STX16: variants seen among roughly 807,000 people sequenced by gnomAD.
STX16 encodes syntaxin-16.
In STX16, 28 loss-of-function variants were observed where a neutral mutation model predicts 42.7. The ratio of observed to expected loss-of-function variants is 0.66; its 90% confidence interval spans 0.49 to 0.90. STX16 has a LOEUF of 0.90. STX16 is among the 40% of genes least tolerant of loss of function. The pLI is 0.00. For missense variants in STX16, 361 were observed against 420.9 expected (o/e 0.86, Z 1.24); for synonymous variants, 156 against 155.2 (o/e 1.00, Z -0.04).
rs1158625190 is a variant in STX16, at chr20:58,671,472, G to GTGTA, written c.792+176_792+177insGTAT. Reference sequence around the variant, plus strand: ...TGTGTGTGTGTGTGTGTGTGTGTGTGTATATTAATATTAATCAAATATTAA... The same window carrying GTGTA: ...TGTGTGTGTGTGTGTGTGTGTGTGTGTGTATATATTAATATTAATCAAATATTAA... On this transcript the variant is annotated intron_variant, in intron 7 of 8. Transcript: ENST00000371141. Among the ~76,000 whole-genome samples the GTGTA allele has an allele frequency of 2.1e-4, 21 of 98,122 alleles. No homozygotes were observed. In the South Asian group the frequency reaches 3.2e-3, roughly 15 times the overall value. 64.4% of individuals were successfully genotyped at this position (98,122 alleles called of 152,430 possible).
At chr20:58,671,824 C>T (rs964447651) in intron 7 of STX16, among the ~76,000 whole-genome samples, 2 of 151,916 alleles carry the variant, frequency 1.3e-5, no homozygotes, top group Non-Finnish European at 2.9e-5. Flanking sequence ...ATCTGAAATC[C>T]AAAATGCTCC....
intron 2 of STX16, 31 bp downstream of exon 2, chr20:58,659,665 G>A: frequency 6.2e-7 from 1 of 1,610,144 alleles, no homozygotes; most frequent in Non-Finnish European, 8.5e-7. Flanking sequence ...TTATATGTTG[G>A]GTAATTTGAG....
chr20:58,668,390 T>C (rs999470770), intron 4 of STX16, among the ~76,000 whole-genome samples: 1 of 152,358 alleles, frequency 6.6e-6, no homozygotes, highest in South Asian at 2.1e-4. Flanking sequence ...ATTATCGAGT[T>C]CAATCATTTG....
chr20:58,662,402 C>G (rs2083721194), intron 2 of STX16, among the ~76,000 whole-genome samples: 1 of 152,190 alleles, frequency 6.6e-6, no homozygotes, highest in Admixed American at 6.5e-5. Flanking sequence ...CTTTTTCTTC[C>G]CCTCAGAGTA....
At chr20:58,656,094 CAG>C (rs1467162585) in intron 1 of STX16, among the ~76,000 whole-genome samples, 1 of 152,196 alleles carries the variant, frequency 6.6e-6, no homozygotes, top group Non-Finnish European at 1.5e-5. Flanking sequence ...GCTGCAGGCT[CAG>C]AGTGTGTCCT....
At chr20:58,666,016 G>A (rs1214155221) in intron 2 of STX16, among the ~76,000 whole-genome samples, 1 of 152,026 alleles carries the variant, frequency 6.6e-6, no homozygotes, top group African/African-American at 2.4e-5. Flanking sequence ...TACTTGAAGT[G>A]GTCTTTTATT....
intron 1 of STX16, 98 bp downstream of exon 1, chr20:58,652,236 A>C: frequency 6.8e-7 from 1 of 1,472,224 alleles, no homozygotes; most frequent in Non-Finnish European, 9.3e-7. Flanking sequence ...AAAAGAGAAG[A>C]TAAGAATAAT....
chr20:58,671,140 CA>C lies in STX16; in HGVS notation c.649-13del, dbSNP rs776141349. On this transcript the variant is annotated splice_polypyrimidine_tract_variant and intron_variant, in intron 6 of 8. Coordinates refer to ENST00000371141, the MANE Select transcript of STX16 (RefSeq NM_001001433.3). ...AAAACAATCTATCCAACACATTGTG[CA>C]CTGTCTTGCTAGGGTTTTACAGAGG... The C allele has an allele frequency of 1.6e-5, 25 of 1,610,224 alleles. No homozygotes were observed. The highest frequency in any genetic ancestry group is 8.4e-5 in the Admixed American group (5 of 59,602).
chr20:58,655,268 G>C (rs2083560543), intron 1 of STX16, among the ~76,000 whole-genome samples: 1 of 152,146 alleles, frequency 6.6e-6, no homozygotes, highest in African/African-American at 2.4e-5. Flanking sequence ...TAATTGCAGA[G>C]TAGTGTGTAT....
chr20:58,679,259 T>C lies in STX16; in HGVS notation c.*2968T>C, dbSNP rs1168337556. 6.6e-6 allele frequency: 1 copy of C among 152,650 alleles called. No individual in the cohort carries two copies. Among genetic ancestry groups the C allele is most frequent in the East Asian group, 1.9e-4 (1 of 5,202 alleles). The allele number at this position is 152,650 out of a possible 1,614,324, so 9.5% of individuals were successfully genotyped here. On this transcript the variant is annotated 3_prime_UTR_variant, in exon 9 of 9. Coordinates refer to ENST00000371141, the MANE Select transcript of STX16 (RefSeq NM_001001433.3). ...TCTCTGCTAATTGAGAGAGCGTTATTTACATTATTTATTTGTTTTGACACA... is the reference window on the plus strand; with the variant it reads ...TCTCTGCTAATTGAGAGAGCGTTATCTACATTATTTATTTGTTTTGACACA...
rs541757838 is a variant in STX16 at position 58,662,573 on chromosome 20, C to T, written c.144+2939C>T. 2.8e-4 allele frequency among the ~76,000 whole-genome samples: 42 copies of T among 152,280 alleles called. No individual in the cohort carries two copies. In the East Asian group the frequency reaches 6.9e-3, roughly 25 times the overall value. On this transcript the variant is annotated intron_variant, in intron 2 of 8. Coordinates refer to ENST00000371141, the MANE Select transcript of STX16 (RefSeq NM_001001433.3). ...TTGCCCAGGCTAGAGTGCAGTGGCG[C>T]GATCTCGGCTCACTGCAACCTCTGC...
At chr20:58,669,228 G>A in intron 4 of STX16, 63 bp from the exon 5 acceptor site, 1 of 1,555,668 alleles carries the variant, frequency 6.4e-7, no homozygotes. Context: ...CTTGTGATGT[G>A]GCAGTGTTAG....
chr20:58,655,337 A>G (rs1196696003), intron 1 of STX16, among the ~76,000 whole-genome samples: 3 of 152,116 alleles, frequency 2.0e-5, no homozygotes, highest in African/African-American at 4.8e-5. Context: ...TTAAACATGC[A>G]TTTTTTGCAT....
chr20:58,656,109 GGC>G (rs1568812958), intron 1 of STX16, among the ~76,000 whole-genome samples: 1 of 152,176 alleles, frequency 6.6e-6, no homozygotes. Context: ...TGTGTCCTTA[GGC>G]AAGCCTTTAA....
chr20:58,665,450 T>G (rs1027097557), intron 2 of STX16, among the ~76,000 whole-genome samples: 4 of 152,192 alleles, frequency 2.6e-5, no homozygotes, highest in Admixed American at 2.6e-4. Flanking sequence ...AAGGGGTTTC[T>G]GGAGTCAGCC....
At chr20:58,654,262 A>G (rs1425963766) in intron 1 of STX16, among the ~76,000 whole-genome samples, 2 of 152,176 alleles carry the variant, frequency 1.3e-5, no homozygotes, top group African/African-American at 4.8e-5. Flanking sequence ...CTTATAGTCA[A>G]TCCATACTAT....
chr20:58,676,299 T>G lies in STX16; in HGVS notation c.*8T>G. On this transcript the variant is annotated 3_prime_UTR_variant, in exon 9 of 9. Transcript: ENST00000371141. The stretch of plus-strand genomic sequence containing the variant: ...GGCGTGAAGTCTCGATAAGTGGCAT[T>G]GGGTTTTCGTGTGTGCCGCGCGTGT... 1.2e-6 allele frequency: 2 copies of G among 1,611,562 alleles called. No homozygotes were observed. Among genetic ancestry groups the G allele is most frequent in the South Asian group, 2.2e-5 (2 of 91,016 alleles).
chr20:58,663,499 G>T (rs559118081), intron 2 of STX16, among the ~76,000 whole-genome samples: 1 of 152,134 alleles, frequency 6.6e-6, no homozygotes, highest in Non-Finnish European at 1.5e-5. Context: ...ACATCTGTTG[G>T]ATTTTTTCTG....
intron 1 of STX16, among the ~76,000 whole-genome samples, chr20:58,653,580 A>T (rs2083521416): frequency 6.6e-6 from 1 of 152,252 alleles, no homozygotes; most frequent in South Asian, 2.1e-4. Context: ...GTCTGGTAGC[A>T]TAGAAACAGG....
Sources: allele counts gnomAD v4.1 joint callset (sites outside exome capture counted in the v4.1 genomes callset), GRCh38; gene constraint gnomAD v4.1.1; transcripts MANE v1.5; gene names NCBI Gene and HGNC (gene_info 2026-07-23, HGNC 2026-07-21).